CD99L2: variants seen among roughly 807,000 people sequenced by gnomAD.
CD99L2 encodes CD99 antigen-like protein 2.
CD99L2 carries 24 observed loss-of-function variants against 27.3 expected under a neutral mutation model. The observed-to-expected ratio is 0.88, with a 90% confidence interval of 0.64 to 1.24. The LOEUF is 1.24. Among genes scored for constraint, CD99L2 ranks in the 50% most tolerant of loss-of-function variants. The pLI is 0.00. For missense variants in CD99L2, 255 were observed against 221.6 expected, an observed-to-expected ratio of 1.15 and a Z score of -0.96; for synonymous variants, 97 against 87.9, an observed-to-expected ratio of 1.10 and a Z score of -0.58.
At chrX:150,890,765 T>C (rs990136442) in intron 1 of CD99L2, among the ~76,000 whole-genome samples, 2 of 112,669 alleles carry the variant, frequency 1.8e-5, no homozygotes, top group Non-Finnish European at 3.8e-5. Flanking sequence ...AGAAACCCTC[T>C]GTCTGCTGGC....
chrX:150,770,599 G>A (rs147709675), intron 9 of CD99L2, among the ~76,000 whole-genome samples: 97 of 112,606 alleles, frequency 8.6e-4, no homozygotes, highest in African/African-American at 2.3e-3. Flanking sequence ...AAATAACAAC[G>A]ACATGCAGCG....
At chrX:150,829,610 A>G (rs1569566025) in intron 2 of CD99L2, 1 of 302,654 alleles carries the variant, frequency 3.3e-6, no homozygotes, top group East Asian at 1.0e-4. Context: ...GGCAGCTGGA[A>G]AAAACCAACA....
intron 6 of CD99L2, among the ~76,000 whole-genome samples, chrX:150,793,966 G>A (rs2045744332): frequency 9.0e-6 from 1 of 111,204 alleles, no homozygotes; most frequent in Non-Finnish European, 1.9e-5. Context: ...GTGGAACCAT[G>A]GATAGGATGG....
chrX:150,777,126 G>GT (rs1461301957), intron 8 of CD99L2: 2 of 314,222 alleles, frequency 6.4e-6, no homozygotes, highest in Non-Finnish European at 1.1e-5. Flanking sequence ...AGATGCATTT[G>GT]TATCAGGGGA....
intron 1 of CD99L2, among the ~76,000 whole-genome samples, chrX:150,885,367 AC>A (rs1443595795): frequency 9.6e-6 from 1 of 104,247 alleles, no homozygotes; most frequent in Non-Finnish European, 2.0e-5. Flanking sequence ...CTACAAAAAA[AC>A]AACAACAACA....
At chrX:150,852,544 T>A (rs1424871998) in intron 1 of CD99L2, among the ~76,000 whole-genome samples, 1 of 110,264 alleles carries the variant, frequency 9.1e-6, no homozygotes, top group East Asian at 2.8e-4. Flanking sequence ...TGTGTAACCA[T>A]CACCTATCAT....
At chrX:150,858,009 C>T (rs2046920058) in intron 1 of CD99L2, among the ~76,000 whole-genome samples, 1 of 111,780 alleles carries the variant, frequency 8.9e-6, no homozygotes. Context: ...ATATTCCATG[C>T]AAATGGAATC....
At chrX:150,830,632 T>C (rs2124235957) in intron 2 of CD99L2, among the ~76,000 whole-genome samples, 1 of 111,298 alleles carries the variant, frequency 9.0e-6, no homozygotes, top group Non-Finnish European at 1.9e-5. Context: ...AGTGCCTTTT[T>C]TTCTGAGTTA....
intron 4 of CD99L2, 24 bp downstream of exon 4, chrX:150,814,838 T>C (rs368278860): frequency 9.8e-5 from 111 of 1,128,039 alleles, no homozygotes; most frequent in East Asian, 6.0e-4. Context: ...AATCCTGTAG[T>C]AGTTTCAACC....
rs1477066655 is a variant in CD99L2, at chrX:150,898,665, G to A, written c.-77C>T. 1.1e-5 allele frequency: 10 copies of A among 941,475 alleles called. No individual in the cohort carries two copies. In the Admixed American group the frequency reaches 1.4e-4, roughly 13 times the overall value. 77.6% of individuals were successfully genotyped at this position (941,475 alleles called of 1,213,427 possible). A position where few individuals can be genotyped will look rare whatever the true frequency, so the allele number is the denominator to read the frequency against. ...CCGAAGGGGAGGCCGAGGAGGAGCG[G>A]GAGGAGGAGCCCCGCCGCCTCTGCA... is the stretch of plus-strand genomic sequence containing the variant. On this transcript the variant is annotated 5_prime_UTR_variant, in exon 1 of 11. Transcript: ENST00000370377.
At chrX:150,878,194 T>A (rs1015528076) in intron 1 of CD99L2, among the ~76,000 whole-genome samples, 13 of 109,490 alleles carry the variant, frequency 1.2e-4, no homozygotes, top group Admixed American at 3.9e-4. Context: ...AAAAATTAGC[T>A]GGGCATGGTG....
At chrX:150,872,823 A>C (rs781974567) in intron 1 of CD99L2, among the ~76,000 whole-genome samples, 1 of 112,065 alleles carries the variant, frequency 8.9e-6, no homozygotes, top group African/African-American at 3.2e-5. Flanking sequence ...AATAGGAACA[A>C]GGAAAGGTAT....
intron 6 of CD99L2, among the ~76,000 whole-genome samples, 163 bp from the exon 7 acceptor site, chrX:150,793,919 A>G (rs1603292055): frequency 9.0e-6 from 1 of 111,340 alleles, no homozygotes; most frequent in East Asian, 2.8e-4. Context: ...CCACTGGTGT[A>G]CATGTCCCGC....
At chrX:150,773,315 C>A (rs2043493488) in intron 9 of CD99L2, among the ~76,000 whole-genome samples, 1 of 113,201 alleles carries the variant, frequency 8.8e-6, no homozygotes, top group Admixed American at 9.2e-5. Flanking sequence ...ACAGGGCTGG[C>A]TTTTCACCCA....
intron 1 of CD99L2, among the ~76,000 whole-genome samples, chrX:150,863,615 G>A (rs1233605869): frequency 3.6e-5 from 4 of 111,888 alleles, no homozygotes; most frequent in African/African-American, 1.3e-4. Context: ...TTGTTTGTAT[G>A]TATGATTCTA....
At chrX:150,810,006 T>C (rs781938294) in intron 4 of CD99L2, among the ~76,000 whole-genome samples, 1 of 112,150 alleles carries the variant, frequency 8.9e-6, no homozygotes, top group African/African-American at 3.2e-5. Context: ...AAATCCATAA[T>C]TATCGTTGGG....
At chrX:150,795,766 T>G (rs1557419893) in intron 4 of CD99L2, among the ~76,000 whole-genome samples, 1 of 111,718 alleles carries the variant, frequency 9.0e-6, no homozygotes, top group Non-Finnish European at 1.9e-5. Context: ...AGCCCAGATC[T>G]GCGGGAGATG....
rs782399907 is a variant in CD99L2 at position 150,768,315 on chromosome X, C to G, written c.*719G>C. On this transcript the variant is annotated 3_prime_UTR_variant, in exon 11 of 11. Coordinates refer to ENST00000370377, the MANE Select transcript of CD99L2 (RefSeq NM_031462.4). ...GCCCCCTATGGAATCAGATGGGAAACAGGCCTACGAATTGCTTCATACTTA... is the reference window on the plus strand; with the variant it reads ...GCCCCCTATGGAATCAGATGGGAAAGAGGCCTACGAATTGCTTCATACTTA... 13 of 112,478 alleles carry G rather than the reference C, an allele frequency of 1.2e-4. No individual in the cohort carries two copies. Among genetic ancestry groups the G allele is most frequent in the African/African-American group, 3.9e-4 (12 of 30,949 alleles). The allele number at this position is 112,478 out of a possible 1,213,427, so 9.3% of individuals were successfully genotyped here.
chrX:150,804,488 T>C (rs1201365848), intron 4 of CD99L2, among the ~76,000 whole-genome samples: 2 of 111,879 alleles, frequency 1.8e-5, no homozygotes, highest in Non-Finnish European at 3.8e-5. Context: ...GGCTCATGCC[T>C]ATAATCCCAG....
Sources: gnomAD v4.1 joint callset for allele counts (sites outside exome capture counted in the v4.1 genomes callset) on GRCh38, gnomAD v4.1.1 for gene constraint, MANE v1.5 for transcripts, NCBI Gene and HGNC (gene_info 2026-07-23, HGNC 2026-07-21) for gene names.